Variants in ADGRE2 observed in about 807,000 individuals in gnomAD.
ADGRE2 encodes the protein adhesion G protein-coupled receptor E2, also known as CD97 antigen.
In ADGRE2, 83 loss-of-function variants were observed where a neutral mutation model predicts 100.8. The observed-to-expected ratio is 0.82, with a 90% CI of 0.69 to 0.99. The LOEUF is 0.99. ADGRE2 is among the 50% of genes least tolerant of loss of function. The probability of loss-of-function intolerance (pLI) is 0.00; values close to 1 mark genes in which losing one functional copy is unlikely to be tolerated. For synonymous variants in ADGRE2, 355 were observed against 413.0 expected (o/e 0.86, Z 1.70); for missense variants, 814 against 1,035.7 (o/e 0.79, Z 2.94).
At position 14,733,332 on chromosome 19, in the gene ADGRE2, G is replaced by A. The variant is rs2042695245; in HGVS notation, c.*2904C>T. 1 of 151,972 alleles carries A rather than the reference G, an allele frequency of 6.6e-6. No individual in the cohort carries two copies. The highest frequency in any genetic ancestry group is 2.1e-4 in the South Asian group (1 of 4,824). 9.4% of individuals were successfully genotyped at this position (151,972 alleles called of 1,614,324 possible). On this transcript the variant is annotated 3_prime_UTR_variant, in exon 21 of 21. Transcript: ENST00000315576. Reference sequence around the variant, plus strand: ...ATTACTTTTTTAAAAACTATAAGCAGCCAAAAAAAGCAGACAGTAAAATGC... The same window carrying A: ...ATTACTTTTTTAAAAACTATAAGCAACCAAAAAAAGCAGACAGTAAAATGC...
chr19:14,771,523 G>T (rs2044206455), intron 5 of ADGRE2, among the ~76,000 whole-genome samples: 1 of 152,196 alleles, frequency 6.6e-6, no homozygotes, highest in Admixed American at 6.5e-5. Flanking sequence ...AAGGGATGAG[G>T]CAGGCTGTGT....
At chr19:14,762,861 T>A (rs2147366195) in intron 11 of ADGRE2, among the ~76,000 whole-genome samples, 1 of 151,980 alleles carries the variant, frequency 6.6e-6, no homozygotes, top group African/African-American at 2.4e-5. Context: ...CCAGGCTGGA[T>A]TTGAACTCCT....
At chr19:14,776,637 C>T (rs1453146620) in intron 2 of ADGRE2, 89 bp downstream of exon 2, 4 of 1,442,418 alleles carry the variant, frequency 2.8e-6, no homozygotes, top group Non-Finnish European at 1.9e-6. Flanking sequence ...CCACAGACAC[C>T]AGCGGCGCCT....
chr19:14,737,002 T>A (rs2042778284), intron 20 of ADGRE2, among the ~76,000 whole-genome samples: 1 of 148,738 alleles, frequency 6.7e-6, no homozygotes, highest in African/African-American at 2.4e-5. Context: ...ATTAGTTAAA[T>A]AAGTAGATTA....
intron 5 of ADGRE2, among the ~76,000 whole-genome samples, chr19:14,768,001 G>A (rs781753323): frequency 5.9e-5 from 9 of 152,324 alleles, no homozygotes; most frequent in Non-Finnish European, 1.0e-4. Context: ...GGTTTAGTCC[G>A]TTTTGTGTTG....
At chr19:14,764,323 T>G (rs2043867427) in intron 11 of ADGRE2, 110 bp downstream of exon 11, 21 of 931,072 alleles carry the variant, frequency 2.3e-5, no homozygotes, top group Non-Finnish European at 3.4e-5. Context: ...AGTTTGTCGA[T>G]GAGAGTAACA....
intron 4 of ADGRE2, 28 bp from the exon 5 acceptor site, chr19:14,772,525 C>T (rs776015409): frequency 1.2e-6 from 2 of 1,612,084 alleles, no homozygotes; most frequent in Non-Finnish European, 1.7e-6. Context: ...AGGAGGTCAT[C>T]TCCCAAAGAT....
At chr19:14,768,205 C>A (rs2147468883) in intron 5 of ADGRE2, among the ~76,000 whole-genome samples, 1 of 152,252 alleles carries the variant, frequency 6.6e-6, no homozygotes, top group Non-Finnish European at 1.5e-5. Flanking sequence ...GGCACATGGA[C>A]CAAGACTGGC....
At chr19:14,764,820 C>T (rs2043893144) in intron 10 of ADGRE2, among the ~76,000 whole-genome samples, 1 of 152,166 alleles carries the variant, frequency 6.6e-6, no homozygotes, top group Non-Finnish European at 1.5e-5. Flanking sequence ...AGATCGAGAC[C>T]ATCCTGGCCA....
chr19:14,754,937 C>G lies in ADGRE2; in HGVS notation c.1590+17G>C, dbSNP rs114395084. ...ACGGCAATAAATGCAGAGTGCATCC[C>G]CTCCTAAGGGTCTCACCTGCACATC... On this transcript the variant is annotated intron_variant, in intron 14 of 20. Coordinates refer to ENST00000315576, the MANE Select transcript of ADGRE2 (RefSeq NM_013447.4). 1.5e-3 allele frequency: 2,437 copies of G among 1,610,104 alleles called. 23 individuals are homozygous for G. The African/African-American group carries it at 0.025, about 17-fold the overall frequency.
At chr19:14,773,177 G>A (rs1038042266) in intron 4 of ADGRE2, among the ~76,000 whole-genome samples, 1 of 148,456 alleles carries the variant, frequency 6.7e-6, no homozygotes, top group African/African-American at 2.5e-5. Context: ...CAGTCTTAAC[G>A]GTAAACTGAG....
intron 16 of ADGRE2, among the ~76,000 whole-genome samples, chr19:14,748,314 T>TATTTTATTTC (rs1398658726): frequency 4.0e-5 from 6 of 151,860 alleles, no homozygotes; most frequent in African/African-American, 1.5e-4. Context: ...ATGATCTTGT[T>TATTTTATTTC]ATTTTATTTT....
chr19:14,753,285 G>C (rs1294614647), intron 14 of ADGRE2, among the ~76,000 whole-genome samples: 1 of 152,032 alleles, frequency 6.6e-6, no homozygotes, highest in African/African-American at 2.4e-5. Flanking sequence ...CAGGAGACTT[G>C]TGGAGGGGGG....
At chr19:14,749,284 C>A (rs2043187462) in intron 16 of ADGRE2, among the ~76,000 whole-genome samples, 1 of 131,514 alleles carries the variant, frequency 7.6e-6, no homozygotes, top group African/African-American at 2.7e-5. Flanking sequence ...TATAATTATG[C>A]TTATATAATT....
chr19:14,754,473 A>ATCTG lies in ADGRE2; in HGVS notation c.1590+480_1590+481insCAGA, dbSNP rs1280179294. Among the ~76,000 whole-genome samples the ATCTG allele has an allele frequency of 4.0e-5, 6 of 150,334 alleles. No individual in the cohort carries two copies. In the East Asian group the frequency reaches 1.2e-3, roughly 30 times the overall value. On this transcript the variant is annotated intron_variant, in intron 14 of 20. Coordinates refer to ENST00000315576, the MANE Select transcript of ADGRE2 (RefSeq NM_013447.4). ...TATCTATCTATCTATCTATCTATCTATCTATCTATCTATCTATTCCATTAG... is the reference window on the plus strand; with the variant it reads ...TATCTATCTATCTATCTATCTATCTATCTGTCTATCTATCTATCTATTCCATTAG...
At chr19:14,771,023 G>C (rs1049387809) in intron 5 of ADGRE2, among the ~76,000 whole-genome samples, 1 of 152,022 alleles carries the variant, frequency 6.6e-6, no homozygotes, top group Admixed American at 6.6e-5. Context: ...CTGTCCTTTG[G>C]TCAAGATATG....
downstream of ADGRE2, chr19:14,731,208 AGTACTCT>A: frequency 2.0e-6 from 3 of 1,533,224 alleles, no homozygotes; most frequent in Non-Finnish European, 2.6e-6. Flanking sequence ...TTCCACATCC[AGTACTCT>A]CTTGCATGTT....
chr19:14,728,249 A>C (rs1172631027), downstream of ADGRE2, among the ~76,000 whole-genome samples: 1 of 152,242 alleles, frequency 6.6e-6, no homozygotes, highest in Non-Finnish European at 1.5e-5. Context: ...TCAAGCTGCA[A>C]AATTTGAGCT....
intron 1 of ADGRE2, among the ~76,000 whole-genome samples, chr19:14,777,419 C>G (rs2044480703): frequency 6.6e-6 from 1 of 152,178 alleles, no homozygotes; most frequent in Non-Finnish European, 1.5e-5. Context: ...CGCTTGAGCT[C>G]AGGAGTTTGA....
Sources: gnomAD v4.1 joint callset for allele counts (sites outside exome capture counted in the v4.1 genomes callset) on GRCh38, gnomAD v4.1.1 for gene constraint, MANE v1.5 for transcripts, NCBI Gene and HGNC (gene_info 2026-07-23, HGNC 2026-07-21) for gene names.